AUTS2: variants seen among roughly 807,000 people sequenced by gnomAD.
AUTS2 encodes autism susceptibility gene 2 protein.
In AUTS2, 17 loss-of-function variants were observed where a neutral mutation model predicts 112.4. The ratio of observed to expected loss-of-function variants is 0.15; its 90% CI spans 0.10 to 0.23. The LOEUF is 0.23. AUTS2 is among the 10% of genes least tolerant of loss of function. AUTS2 has a pLI of 1.00. For missense variants in AUTS2, 1,510 were observed against 1,701.6 expected (o/e 0.89, Z 1.98); for synonymous variants, 751 against 702.7 (o/e 1.07, Z -1.09).
At chr7:70,245,144 G>GTGTGTATATATATATA (rs1233136341) in intron 4 of AUTS2, among the ~76,000 whole-genome samples, 4 of 108,962 alleles carry the variant, frequency 3.7e-5, no homozygotes, top group African/African-American at 1.7e-4. Context: ...GTGTGTGTGT[G>GTGTGTATATATATATA]TATATATATA....
chr7:70,238,964 A>G (rs1278431564), intron 4 of AUTS2, among the ~76,000 whole-genome samples: 2 of 152,162 alleles, frequency 1.3e-5, no homozygotes, highest in Non-Finnish European at 2.9e-5. Flanking sequence ...TTTGAGCAAT[A>G]GAGCTCTTAT....
chr7:70,040,630 T>C (rs951310064), intron 2 of AUTS2, among the ~76,000 whole-genome samples: 3 of 152,182 alleles, frequency 2.0e-5, no homozygotes, highest in African/African-American at 7.2e-5. Context: ...CAAGGAGCTT[T>C]GTGACCGTGG....
intron 4 of AUTS2, among the ~76,000 whole-genome samples, chr7:70,396,013 A>G (rs1172577174): frequency 6.6e-6 from 1 of 152,162 alleles, no homozygotes; most frequent in Non-Finnish European, 1.5e-5. Flanking sequence ...AGAAGAAAAT[A>G]TGCTATCTAC....
intron 4 of AUTS2, among the ~76,000 whole-genome samples, chr7:70,317,867 G>T (rs1790070497): frequency 6.6e-6 from 1 of 152,114 alleles, no homozygotes; most frequent in African/African-American, 2.4e-5. Flanking sequence ...AATCTTTTTG[G>T]ATTGTATCAA....
chr7:70,017,002 A>G (rs1054896536), intron 2 of AUTS2, among the ~76,000 whole-genome samples: 1 of 152,178 alleles, frequency 6.6e-6, no homozygotes, highest in African/African-American at 2.4e-5. Context: ...GTAGGGATAG[A>G]GAATGGTATA....
At chr7:70,525,418 A>C (rs1585254693) in intron 5 of AUTS2, among the ~76,000 whole-genome samples, 1 of 66,740 alleles carries the variant, frequency 1.5e-5, no homozygotes. Flanking sequence ...TGTTGAATGA[A>C]TGAATGAATG....
At chr7:69,997,487 A>AC (rs1462359777) in intron 2 of AUTS2, among the ~76,000 whole-genome samples, 2 of 152,186 alleles carry the variant, frequency 1.3e-5, no homozygotes, top group Non-Finnish European at 2.9e-5. Flanking sequence ...ATAAACGAAT[A>AC]CCTGAGACTG....
chr7:70,549,667 G>A (rs1242888264), intron 5 of AUTS2, among the ~76,000 whole-genome samples: 1 of 152,194 alleles, frequency 6.6e-6, no homozygotes, highest in African/African-American at 2.4e-5. Flanking sequence ...ATTTCAGCCT[G>A]GGCAACAGAG....
At chr7:70,705,592 C>G (rs928217591) in intron 6 of AUTS2, among the ~76,000 whole-genome samples, 4 of 152,212 alleles carry the variant, frequency 2.6e-5, no homozygotes, top group African/African-American at 7.2e-5. Context: ...TCCAGACTCT[C>G]CTGAACTCAG....
chr7:70,534,286 G>T (rs1422199339), intron 5 of AUTS2, among the ~76,000 whole-genome samples: 1 of 152,172 alleles, frequency 6.6e-6, no homozygotes, highest in Non-Finnish European at 1.5e-5. Flanking sequence ...GATTTCTGAC[G>T]CCTGGGAGGG....
intron 5 of AUTS2, among the ~76,000 whole-genome samples, chr7:70,553,661 G>C (rs939089983): frequency 6.6e-6 from 1 of 151,452 alleles, no homozygotes; most frequent in African/African-American, 2.4e-5. Context: ...CACTTTAAAT[G>C]GGACAGGGCA....
chr7:70,112,317 G>A (rs1358331349), intron 2 of AUTS2, among the ~76,000 whole-genome samples: 2 of 151,248 alleles, frequency 1.3e-5, no homozygotes, highest in African/African-American at 4.9e-5. Context: ...TTATCATAGA[G>A]AAGTCTGTTC....
At chr7:70,368,067 A>G (rs1340281389) in intron 4 of AUTS2, among the ~76,000 whole-genome samples, 1 of 152,168 alleles carries the variant, frequency 6.6e-6, no homozygotes, top group Non-Finnish European at 1.5e-5. Context: ...TGTCTCTGGG[A>G]TAGTAAGGGG....
At chr7:70,740,913 G>A (rs1350460814) in intron 6 of AUTS2, among the ~76,000 whole-genome samples, 1 of 151,884 alleles carries the variant, frequency 6.6e-6, no homozygotes, top group Non-Finnish European at 1.5e-5. Context: ...GGGCAACATG[G>A]TAAAACCCCA....
intron 4 of AUTS2, among the ~76,000 whole-genome samples, chr7:70,424,338 A>T: frequency 6.6e-6 from 1 of 152,080 alleles, no homozygotes; most frequent in Admixed American, 6.5e-5. Flanking sequence ...TTGCCTCTGT[A>T]CTTTGCCAAG....
At chr7:70,729,136 T>C in intron 6 of AUTS2, 2 of 456,466 alleles carry the variant, frequency 4.4e-6, no homozygotes, top group Non-Finnish European at 8.8e-6. Flanking sequence ...ACACCCTCCA[T>C]CACTCTTTTT....
intron 1 of AUTS2, among the ~76,000 whole-genome samples, chr7:69,893,219 C>G (rs899977123): frequency 2.0e-5 from 3 of 152,196 alleles, no homozygotes; most frequent in African/African-American, 7.2e-5. Flanking sequence ...CTTGTACATT[C>G]CTACAGATAG....
At chr7:69,662,422 T>C (rs1795844578) in intron 1 of AUTS2, among the ~76,000 whole-genome samples, 1 of 152,156 alleles carries the variant, frequency 6.6e-6, no homozygotes, top group Non-Finnish European at 1.5e-5. Flanking sequence ...TTGTGTATTG[T>C]AGGATGTTTA....
At chr7:70,785,041 G>A (rs1791356874) in intron 16 of AUTS2, 22 bp downstream of exon 16, 1 of 1,611,978 alleles carries the variant, frequency 6.2e-7, no homozygotes, top group Non-Finnish European at 8.5e-7. Flanking sequence ...AAAATAATGG[G>A]AACTGAGATG....
Sources: allele counts gnomAD v4.1 joint callset (sites outside exome capture counted in the v4.1 genomes callset), GRCh38; gene constraint gnomAD v4.1.1; transcripts MANE v1.5; gene names NCBI Gene and HGNC (gene_info 2026-07-23, HGNC 2026-07-21).